RPTOR: variants seen among roughly 807,000 people sequenced by gnomAD.
The protein encoded by RPTOR is regulatory associated protein of MTOR complex 1.
In RPTOR, 21 loss-of-function variants were observed where a neutral mutation model predicts 169.9. The observed-to-expected ratio is 0.12, with a 90% CI of 0.09 to 0.18. The LOEUF is 0.18. Ranked by LOEUF, RPTOR falls within the 10% of genes least tolerant of loss-of-function variation. RPTOR has a pLI of 1.00. For synonymous variants in RPTOR, 732 were observed against 753.2 expected (o/e 0.97, Z 0.46); for missense variants, 1,133 against 1,855.9 (o/e 0.61, Z 7.16).
chr17:80,937,092 G>A (rs1264731681), intron 24 of RPTOR, among the ~76,000 whole-genome samples: 1 of 152,190 alleles, frequency 6.6e-6, no homozygotes, highest in African/African-American at 2.4e-5. Context: ...AATAAAAAGC[G>A]TCAAGGGGAA....
chr17:80,559,076 C>T (rs1000873826), intron 1 of RPTOR, among the ~76,000 whole-genome samples: 1 of 152,194 alleles, frequency 6.6e-6, no homozygotes, highest in African/African-American at 2.4e-5. Flanking sequence ...AAACTGTCTC[C>T]ATTAAACACC....
chr17:80,758,622 G>A (rs1287688412), intron 6 of RPTOR, among the ~76,000 whole-genome samples: 4 of 152,120 alleles, frequency 2.6e-5, no homozygotes, highest in Non-Finnish European at 5.9e-5. Flanking sequence ...CCTGTAGGCT[G>A]GAGCTTCTGT....
At chr17:80,749,621 G>A (rs551273907) in intron 5 of RPTOR, among the ~76,000 whole-genome samples, 4 of 152,240 alleles carry the variant, frequency 2.6e-5, no homozygotes, top group South Asian at 4.1e-4. Context: ...AGGCTGTGGC[G>A]GGAGAGCCTG....
At position 80,708,409 on chromosome 17, in the gene RPTOR, C is replaced by G. The variant is rs553105261; in HGVS notation, c.507+410C>G. Among the ~76,000 whole-genome samples the G allele has an allele frequency of 1.3e-5, 2 of 152,366 alleles. No homozygotes were observed. Among genetic ancestry groups the G allele is most frequent in the South Asian group, 4.1e-4 (2 of 4,830 alleles). On this transcript the variant is annotated intron_variant, in intron 4 of 33. Transcript: ENST00000306801. The surrounding 1 kb of genome is among the most constrained non-coding windows in gnomAD (Gnocchi z 4.2). ...TTTATATATTCTAAAGGGCTAATTC[C>G]AAGCTGCCCTGCAGGTGCAGGCTCT... is the stretch of plus-strand genomic sequence containing the variant.
intron 6 of RPTOR, among the ~76,000 whole-genome samples, chr17:80,770,004 C>T (rs1378954094): frequency 6.6e-6 from 1 of 152,198 alleles, no homozygotes; most frequent in African/African-American, 2.4e-5. Context: ...GCACAGGCCC[C>T]TGAAACAGGG....
At chr17:80,742,451 AC>A (rs1164501507) in intron 5 of RPTOR, among the ~76,000 whole-genome samples, 43 of 30,532 alleles carry the variant, frequency 1.4e-3, no homozygotes, top group Non-Finnish European at 8.0e-5. Context: ...GAGCAGGTAC[AC>A]ACACACACAC....
At chr17:80,776,255 A>T (rs770786290) in intron 6 of RPTOR, among the ~76,000 whole-genome samples, 1 of 151,744 alleles carries the variant, frequency 6.6e-6, no homozygotes, top group Non-Finnish European at 1.5e-5. Context: ...ATTTCTTAGA[A>T]TATGTTTCTG....
chr17:80,572,585 C>T (rs1273641589), intron 1 of RPTOR, among the ~76,000 whole-genome samples: 2 of 151,986 alleles, frequency 1.3e-5, no homozygotes, highest in Non-Finnish European at 2.9e-5. Context: ...AGTAGCCGGG[C>T]ATGGTGGTGC....
At chr17:80,597,974 T>C (rs1435648669) in intron 1 of RPTOR, among the ~76,000 whole-genome samples, 1 of 152,108 alleles carries the variant, frequency 6.6e-6, no homozygotes, top group African/African-American at 2.4e-5. Context: ...ATGCCATCTC[T>C]ACAAAAAAAT....
Position 80,888,857 on chromosome 17 carries a change from C to T in RPTOR, c.1984-2863C>T, listed in dbSNP as rs187162626. On this transcript the variant is annotated intron_variant, in intron 17 of 33. Coordinates refer to ENST00000306801, the MANE Select transcript of RPTOR (RefSeq NM_020761.3). ...GGGGCTGGGTGTGAGAGTGGTGGGCCGGGGTGGCAGCTGAGCAGAGCCAGT... is the reference window on the plus strand; with the variant it reads ...GGGGCTGGGTGTGAGAGTGGTGGGCTGGGGTGGCAGCTGAGCAGAGCCAGT... 1.3e-3 allele frequency among the ~76,000 whole-genome samples: 199 copies of T among 152,156 alleles called. 3 individuals carry two copies. The highest frequency in any genetic ancestry group is 6.8e-4 in the Non-Finnish European group (46 of 67,976).
intron 17 of RPTOR, among the ~76,000 whole-genome samples, chr17:80,891,456 C>T (rs909142078): frequency 3.9e-5 from 6 of 152,348 alleles, no homozygotes; most frequent in Admixed American, 3.3e-4. Flanking sequence ...ACCCCCGATG[C>T]GTCGTGCGCC....
intron 13 of RPTOR, among the ~76,000 whole-genome samples, chr17:80,866,366 C>T (rs2067990940): frequency 6.6e-6 from 1 of 152,090 alleles, no homozygotes; most frequent in Non-Finnish European, 1.5e-5. Context: ...GGTCTCCAAC[C>T]GGAGATCCCG....
Position 80,928,776 on chromosome 17 carries a change from A to G in RPTOR, c.2919+3296A>G, listed in dbSNP as rs188669063. Among the ~76,000 whole-genome samples the G allele has an allele frequency of 2.4e-3, 358 of 152,298 alleles. 4 individuals are homozygous for G. The highest frequency in any genetic ancestry group is 8.2e-3 in the African/African-American group (341 of 41,562). ...GTGTGCTTAAGAAAGAAAAAGATGT[A>G]TTGAATTGTGTTCTGATTACAAAAG... is the stretch of plus-strand genomic sequence containing the variant. On this transcript the variant is annotated intron_variant, in intron 24 of 33. Transcript: ENST00000306801.
At chr17:80,569,474 G>A (rs986888117) in intron 1 of RPTOR, among the ~76,000 whole-genome samples, 1 of 152,028 alleles carries the variant, frequency 6.6e-6, no homozygotes, top group Admixed American at 6.6e-5. Flanking sequence ...GCTGTGAGCC[G>A]AGGTTGTGCC....
At position 80,636,980 on chromosome 17, in the gene RPTOR, C is replaced by G. The variant is rs571267387; in HGVS notation, c.266-6748C>G. 2.0e-5 allele frequency among the ~76,000 whole-genome samples: 3 copies of G among 152,342 alleles called. No homozygotes were observed. In the East Asian group the frequency reaches 5.8e-4, roughly 29 times the overall value. ...CTCCAGCAGATTCTGGGAGTAGATG[C>G]ACGGTGCTGCTTATTTCGTTTTACA... On this transcript the variant is annotated intron_variant, in intron 2 of 33. Coordinates refer to ENST00000306801, the MANE Select transcript of RPTOR (RefSeq NM_020761.3).
chr17:80,631,645 CTT>C (rs770084246), intron 2 of RPTOR, among the ~76,000 whole-genome samples: 4 of 152,232 alleles, frequency 2.6e-5, no homozygotes, highest in Non-Finnish European at 5.9e-5. Context: ...TGGAGCCACT[CTT>C]TCCCCCCAGC....
At chr17:80,830,457 A>G (rs2067490731) in intron 9 of RPTOR, among the ~76,000 whole-genome samples, 1 of 152,236 alleles carries the variant, frequency 6.6e-6, no homozygotes, top group African/African-American at 2.4e-5. Flanking sequence ...ACCACCCCCC[A>G]ATTCTGAGTG....
intron 5 of RPTOR, among the ~76,000 whole-genome samples, chr17:80,735,237 G>A (rs1433184079): frequency 6.6e-6 from 1 of 152,116 alleles, no homozygotes; most frequent in African/African-American, 2.4e-5. Context: ...ATCCATTATC[G>A]ATAGTGTAGA....
At chr17:80,825,708 G>A (rs146393129) in intron 9 of RPTOR, among the ~76,000 whole-genome samples, 5 of 152,322 alleles carry the variant, frequency 3.3e-5, no homozygotes, top group African/African-American at 9.6e-5. Flanking sequence ...TCTTCCTGAC[G>A]GTCACTGTGG....
Sources: allele counts gnomAD v4.1 joint callset (sites outside exome capture counted in the v4.1 genomes callset), GRCh38; gene constraint gnomAD v4.1.1; non-coding constraint Gnocchi (gnomAD v3.1); transcripts MANE v1.5; gene names NCBI Gene and HGNC (gene_info 2026-07-23, HGNC 2026-07-21).